The following ARAP2 variants were observed in gnomAD, a reference collection of about 807,000 sequenced individuals.
ARAP2 encodes arf-GAP with Rho-GAP domain, ANK repeat and PH domain-containing protein 2.
Under a neutral mutation model 194.5 loss-of-function variants are expected in ARAP2, and 148 were observed. The observed-to-expected ratio is 0.76, with a 90% CI of 0.67 to 0.87. ARAP2 has a LOEUF of 0.87. Among genes scored for constraint, ARAP2 ranks in the 40% least tolerant of loss-of-function variants. The probability of loss-of-function intolerance (pLI) is 0.00; values close to 1 mark genes in which losing one functional copy is unlikely to be tolerated. For synonymous variants in ARAP2, 695 were observed against 683.5 expected, an observed-to-expected ratio of 1.02 and a Z score of -0.26; for missense variants, 2,128 against 1,989.7, an observed-to-expected ratio of 1.07 and a Z score of -1.32.
chr4:36,217,807 A>G (rs904370593), intron 2 of ARAP2, among the ~76,000 whole-genome samples: 1 of 151,376 alleles, frequency 6.6e-6, no homozygotes, highest in South Asian at 2.1e-4. Flanking sequence ...TAGATATATG[A>G]TAATACTAGA....
intron 8 of ARAP2, among the ~76,000 whole-genome samples, chr4:36,179,608 T>C (rs933039271): frequency 6.6e-6 from 1 of 152,138 alleles, no homozygotes; most frequent in African/African-American, 2.4e-5. Context: ...TATGGAGAAG[T>C]AGTTATCAAA....
chr4:36,130,003 C>T (rs1725030154), intron 20 of ARAP2, among the ~76,000 whole-genome samples: 1 of 151,880 alleles, frequency 6.6e-6, no homozygotes, highest in Non-Finnish European at 1.5e-5. Flanking sequence ...TAGCCCTTTA[C>T]AAGTCAGAGT....
At chr4:36,233,062 C>T (rs1467541493) in intron 1 of ARAP2, among the ~76,000 whole-genome samples, 1 of 152,088 alleles carries the variant, frequency 6.6e-6, no homozygotes, top group East Asian at 1.9e-4. Flanking sequence ...ATGGAAAAGG[C>T]TCCCTCCCAC....
intron 6 of ARAP2, among the ~76,000 whole-genome samples, chr4:36,018,700 T>C (rs1716340121): frequency 6.6e-6 from 1 of 152,208 alleles, no homozygotes; most frequent in Admixed American, 6.6e-5. Context: ...TAGCTGAGCA[T>C]ATACTTCCTA....
At chr4:36,181,184 T>C (rs1739157193) in intron 8 of ARAP2, among the ~76,000 whole-genome samples, 1 of 152,170 alleles carries the variant, frequency 6.6e-6, no homozygotes, top group African/African-American at 2.4e-5. Flanking sequence ...TAAGCACCAA[T>C]CCTCCTGGAA....
chr4:36,211,901 T>C (rs1057332712), intron 5 of ARAP2, among the ~76,000 whole-genome samples: 5 of 152,048 alleles, frequency 3.3e-5, no homozygotes, highest in African/African-American at 1.2e-4. Context: ...CAAGTTCCAA[T>C]AAAGCTGAGA....
intron 5 of ARAP2, among the ~76,000 whole-genome samples, chr4:36,044,431 T>C (rs900742828): frequency 1.3e-5 from 2 of 152,220 alleles, no homozygotes; most frequent in Admixed American, 1.3e-4. Flanking sequence ...TTTGTGTTTT[T>C]CTGTCATTTC....
chr4:36,224,808 A>G (rs1166355437), intron 2 of ARAP2, among the ~76,000 whole-genome samples: 1 of 152,194 alleles, frequency 6.6e-6, no homozygotes, highest in East Asian at 1.9e-4. Flanking sequence ...AAAGAAATCA[A>G]AATGTTAAGA....
chr4:36,188,253 A>G (rs935279694), intron 7 of ARAP2, among the ~76,000 whole-genome samples: 2 of 152,174 alleles, frequency 1.3e-5, no homozygotes, highest in African/African-American at 4.8e-5. Context: ...CATGATAACT[A>G]CTGCACAATT....
At chr4:36,025,938 T>G (rs1717831685) in intron 5 of ARAP2, among the ~76,000 whole-genome samples, 1 of 152,292 alleles carries the variant, frequency 6.6e-6, no homozygotes, top group South Asian at 2.1e-4. Context: ...ACAGTCTTAT[T>G]GTATGCATCA....
In ARAP2 at chr4:36,116,938, T is replaced by C. The variant is rs113606309; in HGVS notation, c.4038+123A>G. The C allele has an allele frequency of 9.9e-6, 5 of 506,520 alleles. 1 individual carries two copies. The South Asian group carries it at 1.9e-4, about 19-fold the overall frequency. 31.4% of individuals were successfully genotyped at this position (506,520 alleles called of 1,614,324 possible). A position where few individuals can be genotyped will look rare whatever the true frequency, so the allele number is the denominator to read the frequency against. ...GGGATATCACTATAAAAAGTCTATG[T>C]TGTCAGTCGTTTGAACTGGAGAGGT... On this transcript the variant is annotated intron_variant, in intron 25 of 32. Coordinates refer to ENST00000303965, the MANE Select transcript of ARAP2 (RefSeq NM_015230.4).
chr4:36,239,261 T>A (rs1378847038), intron 1 of ARAP2, among the ~76,000 whole-genome samples: 1 of 150,308 alleles, frequency 6.7e-6, no homozygotes, highest in Non-Finnish European at 1.5e-5. Flanking sequence ...AAAGATGCTG[T>A]CTCAAAAAAA....
chr4:36,165,019 T>C lies in ARAP2; in HGVS notation c.2068A>G (p.Lys690Glu), dbSNP rs754315409. 1 of 1,614,090 alleles carries C rather than the reference T, an allele frequency of 6.2e-7. No homozygotes were observed. The highest frequency in any genetic ancestry group is 8.5e-7 in the Non-Finnish European group (1 of 1,179,946). ...CTGTTGGATTCATTGAACCAAATCTTCTCAGCTACTTCATAATCAGAGAGA... is the reference window on the plus strand; with the variant it reads ...CTGTTGGATTCATTGAACCAAATCTCCTCAGCTACTTCATAATCAGAGAGA... ...ETLSDYEVAE[K>E]IWFNESNRSC... The change falls in exon 11 of 33, where the codon AAG becomes GAG. Residue 690 changes from lysine (K) to glutamate (E), a missense_variant. Lys to Glu is a moderately conservative substitution (Grantham distance 56). Coordinates refer to ENST00000303965, the MANE Select transcript of ARAP2 (RefSeq NM_015230.4).
chr4:36,179,588 T>C (rs1738763337), intron 8 of ARAP2, among the ~76,000 whole-genome samples: 1 of 152,178 alleles, frequency 6.6e-6, no homozygotes, highest in Non-Finnish European at 1.5e-5. Context: ...GAAATTGGGC[T>C]ACCAGAACAT....
chr4:36,022,607 A>T (rs963917829), intron 5 of ARAP2, among the ~76,000 whole-genome samples: 2 of 152,178 alleles, frequency 1.3e-5, no homozygotes, highest in Non-Finnish European at 2.9e-5. Flanking sequence ...ATCACAAAAC[A>T]GTTTCTAGAA....
chr4:36,031,003 G>A (rs998410764), intron 5 of ARAP2, among the ~76,000 whole-genome samples: 14 of 152,136 alleles, frequency 9.2e-5, no homozygotes, highest in African/African-American at 3.4e-4. Context: ...GGTGGCACAC[G>A]CCTGTAGTCC....
downstream of ARAP2, among the ~76,000 whole-genome samples, chr4:36,062,607 T>A (rs1010998596): frequency 6.0e-5 from 9 of 151,248 alleles, no homozygotes; most frequent in African/African-American, 1.9e-4. Context: ...ATCTATTTCA[T>A]ATACCTGGCT....
chr4:36,006,286 GT>G (rs1287686953), intron 10 of ARAP2: 3 of 152,190 alleles, frequency 2.0e-5, no homozygotes, highest in African/African-American at 7.2e-5. Context: ...TAAGGAAGAA[GT>G]TTTCACTGTC....
intron 5 of ARAP2, among the ~76,000 whole-genome samples, chr4:36,041,893 G>T (rs1019794526): frequency 6.6e-6 from 1 of 152,154 alleles, no homozygotes; most frequent in Non-Finnish European, 1.5e-5. Flanking sequence ...GAAGTTGGAG[G>T]CTATTATTCT....
Sources: allele counts gnomAD v4.1 joint callset (sites outside exome capture counted in the v4.1 genomes callset), GRCh38; gene constraint gnomAD v4.1.1; transcripts MANE v1.5; gene names NCBI Gene and HGNC (gene_info 2026-07-23, HGNC 2026-07-21).